The following KLHL1 variants were observed in gnomAD, a reference collection of about 807,000 sequenced individuals.
The protein encoded by KLHL1 is kelch like family member 1, also known as kelch-like protein 1.
In KLHL1, 47 loss-of-function variants were observed where a neutral mutation model predicts 77.7. The observed-to-expected ratio is 0.60, with a 90% CI of 0.48 to 0.77. The LOEUF is 0.77. Ranked by LOEUF, KLHL1 falls within the 30% of genes least tolerant of loss-of-function variation. The pLI is 0.00. For missense variants in KLHL1, 925 were observed against 910.8 expected (o/e 1.02, Z -0.20); for synonymous variants, 360 against 325.2 (o/e 1.11, Z -1.15).
At chr13:70,043,975 G>T (rs920813648) in intron 1 of KLHL1, among the ~76,000 whole-genome samples, 1 of 152,136 alleles carries the variant, frequency 6.6e-6, no homozygotes, top group African/African-American at 2.4e-5. Context: ...TCTTACTCAT[G>T]CTCACAACAT....
At position 69,796,754 on chromosome 13, in the gene KLHL1, T is replaced by C; in HGVS notation, c.1623A>G (p.Thr541=). Residue 541 remains threonine, a synonymous_variant, in exon 7 of 11, where the codon ACA becomes ACG. Coordinates refer to ENST00000377844, the MANE Select transcript of KLHL1 (RefSeq NM_020866.3). ...KTWTVLPPMS[T]HRHGLGVTVL... ...AGATCTTACCTAGACCATGTCTGTG[T>C]GTTGACATTGGTGGTAAGACAGTCC... 1 of 1,610,712 alleles carries C rather than the reference T, an allele frequency of 6.2e-7. No individual in the cohort carries two copies. The highest frequency in any genetic ancestry group is 8.5e-7 in the Non-Finnish European group (1 of 1,176,812).
chr13:70,050,663 G>C (rs1470008879), intron 1 of KLHL1, among the ~76,000 whole-genome samples: 1 of 151,852 alleles, frequency 6.6e-6, no homozygotes, highest in Non-Finnish European at 1.5e-5. Context: ...GTTTAATTAT[G>C]ATGATGCAAA....
chr13:70,093,486 T>C (rs1241681263), intron 1 of KLHL1, among the ~76,000 whole-genome samples: 1 of 152,172 alleles, frequency 6.6e-6, no homozygotes, highest in African/African-American at 2.4e-5. Flanking sequence ...ACAAAATCTA[T>C]GTAATTCCTA....
chr13:69,741,721 A>C (rs1361678045), intron 7 of KLHL1, among the ~76,000 whole-genome samples: 2 of 152,102 alleles, frequency 1.3e-5, no homozygotes, highest in Admixed American at 1.3e-4. Context: ...ATAACTGTAA[A>C]TTATTTCTCT....
chr13:69,726,120 G>C (rs1033472560), intron 8 of KLHL1, among the ~76,000 whole-genome samples: 11 of 152,084 alleles, frequency 7.2e-5, no homozygotes, highest in African/African-American at 2.7e-4. Context: ...ATATTTCAAG[G>C]AAAGTGCACA....
At chr13:69,944,310 C>CT (rs902540518) in intron 3 of KLHL1, among the ~76,000 whole-genome samples, 1 of 152,176 alleles carries the variant, frequency 6.6e-6, no homozygotes, top group African/African-American at 2.4e-5. Flanking sequence ...TTTGTCACAA[C>CT]TTATTGAAGG....
chr13:69,903,995 C>A (rs1382788310), intron 4 of KLHL1, among the ~76,000 whole-genome samples: 1 of 151,530 alleles, frequency 6.6e-6, no homozygotes, highest in Non-Finnish European at 1.5e-5. Context: ...TTACTATATG[C>A]CCTATGTATT....
intron 1 of KLHL1, among the ~76,000 whole-genome samples, chr13:69,979,701 T>C (rs1300525208): frequency 6.6e-6 from 1 of 152,308 alleles, no homozygotes; most frequent in East Asian, 1.9e-4. Flanking sequence ...TTTGTCTTTA[T>C]TTTGGCCCAA....
chr13:69,885,184 C>T (rs1881169009), intron 4 of KLHL1, among the ~76,000 whole-genome samples: 1 of 136,692 alleles, frequency 7.3e-6, no homozygotes, highest in Non-Finnish European at 1.5e-5. Flanking sequence ...TCGTGATCCA[C>T]CCGCCTCGGC....
At chr13:69,840,058 A>T (rs571195927) in intron 5 of KLHL1, among the ~76,000 whole-genome samples, 2 of 151,978 alleles carry the variant, frequency 1.3e-5, no homozygotes, top group Admixed American at 1.3e-4. Flanking sequence ...TTGATAAAAA[A>T]ATTGTACCAC....
intron 3 of KLHL1, among the ~76,000 whole-genome samples, chr13:69,956,043 TA>T (rs1883868298): frequency 8.3e-6 from 1 of 120,664 alleles, no homozygotes; most frequent in East Asian, 2.0e-4. Context: ...TATTTATATA[TA>T]TTTGATATAT....
chr13:70,079,370 G>GT (rs1442684957), intron 1 of KLHL1, among the ~76,000 whole-genome samples: 1 of 152,066 alleles, frequency 6.6e-6, no homozygotes, highest in Non-Finnish European at 1.5e-5. Context: ...GTATGCCGAC[G>GT]TTTGTAACCC....
At chr13:69,824,997 A>G (rs1318034489) in intron 6 of KLHL1, among the ~76,000 whole-genome samples, 2 of 151,912 alleles carry the variant, frequency 1.3e-5, no homozygotes, top group East Asian at 3.8e-4. Flanking sequence ...CAATTTTGAA[A>G]TGCATTAAAA....
chr13:69,823,205 C>G (rs61965334), intron 6 of KLHL1, among the ~76,000 whole-genome samples: 1 of 152,128 alleles, frequency 6.6e-6, no homozygotes, highest in Non-Finnish European at 1.5e-5. Flanking sequence ...AACAACTTAA[C>G]ATGCAACCCT....
intron 2 of KLHL1, among the ~76,000 whole-genome samples, chr13:69,968,223 AT>A (rs1269858183): frequency 1.3e-5 from 2 of 152,032 alleles, no homozygotes; most frequent in East Asian, 3.9e-4. Context: ...GATTGTTAGC[AT>A]TTTTTAGCAA....
At chr13:69,993,316 T>A (rs2137315864) in intron 1 of KLHL1, among the ~76,000 whole-genome samples, 1 of 152,104 alleles carries the variant, frequency 6.6e-6, no homozygotes, top group African/African-American at 2.4e-5. Context: ...CTTAGCAATC[T>A]TCACCTAATA....
chr13:69,856,639 T>A (rs928119414), intron 5 of KLHL1, among the ~76,000 whole-genome samples: 2 of 152,096 alleles, frequency 1.3e-5, no homozygotes, highest in Non-Finnish European at 2.9e-5. Flanking sequence ...AACTTTTATC[T>A]GCAATCACCT....
chr13:69,872,260 G>T (rs982079431), intron 5 of KLHL1, among the ~76,000 whole-genome samples: 3 of 152,080 alleles, frequency 2.0e-5, no homozygotes, highest in Admixed American at 6.5e-5. Flanking sequence ...AAGTACATAG[G>T]GGGGACTCCA....
intron 6 of KLHL1, among the ~76,000 whole-genome samples, chr13:69,831,294 G>A (rs748370662): frequency 2.7e-5 from 4 of 149,778 alleles, no homozygotes; most frequent in Non-Finnish European, 5.9e-5. Flanking sequence ...AAATAGAAAA[G>A]ATCAGACAGG....
Sources: allele counts gnomAD v4.1 joint callset (sites outside exome capture counted in the v4.1 genomes callset), GRCh38; gene constraint gnomAD v4.1.1; transcripts MANE v1.5; gene names NCBI Gene and HGNC (gene_info 2026-07-23, HGNC 2026-07-21).